Variants in NRG3 observed in about 807,000 individuals in gnomAD.
NRG3 encodes pro-neuregulin-3, membrane-bound isoform.
Under a neutral mutation model 66.9 loss-of-function variants are expected in NRG3, and 31 were observed. The observed-to-expected ratio is 0.46, with a 90% CI of 0.35 to 0.63. NRG3 has a LOEUF of 0.63. Among genes scored for constraint, NRG3 ranks in the 20% least tolerant of loss-of-function variants. NRG3 has a pLI of 0.00. For synonymous variants in NRG3, 393 were observed against 359.4 expected (o/e 1.09, Z -1.06); for missense variants, 910 against 878.9 (o/e 1.04, Z -0.45).
intron 2 of NRG3, among the ~76,000 whole-genome samples, chr10:82,539,875 A>T (rs1565045054): frequency 6.6e-6 from 1 of 151,836 alleles, no homozygotes; most frequent in Admixed American, 6.6e-5. Context: ...CTCGTGATCC[A>T]CCCACCTTGG....
chr10:82,292,228 T>C (rs2079788512), intron 1 of NRG3, among the ~76,000 whole-genome samples: 2 of 152,100 alleles, frequency 1.3e-5, no homozygotes, highest in African/African-American at 4.8e-5. Context: ...TGTTGAACAT[T>C]ATTATCATTA....
intron 4 of NRG3, among the ~76,000 whole-genome samples, chr10:82,935,880 A>T (rs541867709): frequency 6.6e-6 from 1 of 152,274 alleles, no homozygotes; most frequent in African/African-American, 2.4e-5. Context: ...ACTGAGCAAA[A>T]AAAAAAAATC....
intron 1 of NRG3, among the ~76,000 whole-genome samples, chr10:81,936,352 C>T (rs1847870245): frequency 6.6e-6 from 1 of 152,050 alleles, no homozygotes; most frequent in Non-Finnish European, 1.5e-5. Flanking sequence ...CCAACAGTTG[C>T]ATAAGGGAAA....
At chr10:82,880,905 T>TG (rs1283283240) in intron 4 of NRG3, among the ~76,000 whole-genome samples, 1 of 152,100 alleles carries the variant, frequency 6.6e-6, no homozygotes, top group African/African-American at 2.4e-5. Flanking sequence ...CAGTAAGGAG[T>TG]GGCTCCCCAG....
chr10:82,535,385 TGGAACTGGA>T (rs1397814489), intron 2 of NRG3, among the ~76,000 whole-genome samples: 1 of 151,972 alleles, frequency 6.6e-6, no homozygotes, highest in Non-Finnish European at 1.5e-5. Flanking sequence ...GAGCATCTCA[TGGAACTGGA>T]GTGCTACCAA....
chr10:82,716,575 T>A (rs1266395029), intron 2 of NRG3, among the ~76,000 whole-genome samples: 3 of 152,284 alleles, frequency 2.0e-5, no homozygotes, highest in East Asian at 3.9e-4. Flanking sequence ...GCCCTGCTGA[T>A]AAGAACTAAA....
chr10:82,691,232 GA>G (rs550349891), intron 2 of NRG3, among the ~76,000 whole-genome samples: 2 of 152,140 alleles, frequency 1.3e-5, no homozygotes, highest in South Asian at 4.1e-4. Flanking sequence ...CTCATGCCGA[GA>G]AAAAACAGCT....
In NRG3 at chr10:82,081,240, A is replaced by G. The variant is rs187246683; in HGVS notation, c.823+205077A>G. On this transcript the variant is annotated intron_variant, in intron 1 of 8. Coordinates refer to ENST00000372141, the MANE Select transcript of NRG3 (RefSeq NM_001010848.4). ...GGCTTTAGGAGCCTCCCAAGATCTG[A>G]CATTCCAAGAGTAGAGAAGAATGGA... Among the ~76,000 whole-genome samples the G allele has an allele frequency of 1.2e-3, 185 of 152,308 alleles. 1 individual carries two copies. Among genetic ancestry groups the G allele is most frequent in the African/African-American group, 4.3e-3 (180 of 41,572 alleles).
At chr10:82,024,757 C>T (rs1350872643) in intron 1 of NRG3, among the ~76,000 whole-genome samples, 3 of 152,070 alleles carry the variant, frequency 2.0e-5, no homozygotes, top group African/African-American at 7.2e-5. Flanking sequence ...AGAAGTAGAT[C>T]ATTTCTAACC....
At chr10:82,688,946 T>A (rs1212549297) in intron 2 of NRG3, among the ~76,000 whole-genome samples, 2 of 152,162 alleles carry the variant, frequency 1.3e-5, no homozygotes, top group African/African-American at 4.8e-5. Flanking sequence ...AGAAAGAACT[T>A]TTTAAACGCA....
chr10:82,113,418 CTG>C (rs2067507442), intron 1 of NRG3, among the ~76,000 whole-genome samples: 1 of 152,128 alleles, frequency 6.6e-6, no homozygotes, highest in South Asian at 2.1e-4. Context: ...TGAATTCTAA[CTG>C]TGTGTTCAGA....
chr10:82,275,771 G>A (rs1008168771), intron 1 of NRG3, among the ~76,000 whole-genome samples: 3 of 151,986 alleles, frequency 2.0e-5, no homozygotes, highest in Non-Finnish European at 4.4e-5. Context: ...GAGTAAGTTT[G>A]TTATATATGA....
intron 1 of NRG3, among the ~76,000 whole-genome samples, chr10:82,091,183 CAT>C (rs1014581539): frequency 9.9e-5 from 15 of 152,230 alleles, no homozygotes; most frequent in Admixed American, 5.9e-4. Context: ...ACCATTCAAA[CAT>C]GTGGCTTATC....
At chr10:82,150,530 CAAA>C (rs1188955647) in intron 1 of NRG3, among the ~76,000 whole-genome samples, 1 of 26,690 alleles carries the variant, frequency 3.7e-5, no homozygotes, top group African/African-American at 1.5e-4. Flanking sequence ...AGAGCACACA[CAAA>C]AAAAAAAAAA....
intron 2 of NRG3, among the ~76,000 whole-genome samples, chr10:82,561,131 T>C (rs1468472319): frequency 6.6e-6 from 1 of 152,210 alleles, no homozygotes; most frequent in Admixed American, 6.5e-5. Context: ...AAATTTTAAT[T>C]ATCTTTGTAA....
intron 3 of NRG3, among the ~76,000 whole-genome samples, chr10:82,816,268 C>T (rs973737344): frequency 5.3e-5 from 8 of 152,182 alleles, no homozygotes; most frequent in Admixed American, 2.6e-4. Flanking sequence ...ACATCCAGGA[C>T]GAATGAGGTA....
intron 2 of NRG3, among the ~76,000 whole-genome samples, chr10:82,482,652 T>A (rs1435504318): frequency 2.0e-5 from 3 of 152,114 alleles, no homozygotes; most frequent in African/African-American, 7.2e-5. Context: ...CACCCAGACC[T>A]GCTATATCAG....
chr10:82,738,093 A>G (rs1375121435), intron 2 of NRG3, among the ~76,000 whole-genome samples: 2 of 150,472 alleles, frequency 1.3e-5, no homozygotes, highest in Non-Finnish European at 3.0e-5. Flanking sequence ...AAAAAAAAGT[A>G]GGACTAACAG....
chr10:82,001,090 T>G (rs2061145862), intron 1 of NRG3, among the ~76,000 whole-genome samples: 1 of 151,290 alleles, frequency 6.6e-6, no homozygotes, highest in Non-Finnish European at 1.5e-5. Flanking sequence ...CCTATTACAA[T>G]GAAGGCAAAG....
Sources: gnomAD v4.1 joint callset for allele counts (sites outside exome capture counted in the v4.1 genomes callset) on GRCh38, gnomAD v4.1.1 for gene constraint, MANE v1.5 for transcripts, NCBI Gene and HGNC (gene_info 2026-07-23, HGNC 2026-07-21) for gene names.